The following BCAM variants were observed in gnomAD, a reference collection of about 807,000 sequenced individuals.
The protein encoded by BCAM is basal cell adhesion molecule (Lutheran blood group), also known as basal cell adhesion molecule.
BCAM carries 61 observed loss-of-function variants against 72.4 expected under a neutral mutation model. The ratio of observed to expected loss-of-function variants is 0.84; its 90% CI spans 0.69 to 1.04. The LOEUF is 1.04. Among genes scored for constraint, BCAM ranks in the 50% least tolerant of loss-of-function variants. BCAM has a pLI of 0.00. For synonymous variants in BCAM, 408 were observed against 384.2 expected (o/e 1.06, Z -0.73); for missense variants, 909 against 895.0 (o/e 1.02, Z -0.20).
Position 44,821,129 on chromosome 19 carries a change from AG to A in BCAM, c.*213del, listed in dbSNP as rs1968585976. ...AGGAGAGGGAGGGTGGGTGGGTGGG[AG>A]GGGGCCTTCCTCCAGGGAATGTGAC... On this transcript the variant is annotated 3_prime_UTR_variant, in exon 15 of 15. Transcript: ENST00000270233. The A allele has an allele frequency of 1.7e-6, 1 of 574,004 alleles. No individual in the cohort carries two copies. The highest frequency in any genetic ancestry group is 3.4e-5 in the East Asian group (1 of 29,038). 35.6% of individuals were successfully genotyped at this position (574,004 alleles called of 1,614,324 possible).
Position 44,813,126 on chromosome 19 carries a change from G to C in BCAM, c.505-124G>C. 1 of 1,099,456 alleles carries C rather than the reference G, an allele frequency of 9.1e-7. No individual in the cohort carries two copies. Among genetic ancestry groups the C allele is most frequent in the Non-Finnish European group, 1.3e-6 (1 of 761,278 alleles). 68.1% of individuals were successfully genotyped at this position (1,099,456 alleles called of 1,614,324 possible). The stretch of plus-strand genomic sequence containing the variant: ...GGGGACTAGGAATTTGGACTCCTGG[G>C]TCCTGGGAGAGTCGGGAGTTAGGAG... On this transcript the variant is annotated intron_variant, in intron 4 of 14. Transcript: ENST00000270233. The surrounding 1 kb of genome is among the most constrained non-coding windows in gnomAD (Gnocchi z 4.2).
chr19:44,814,905 G>GTTTTTTTTTTTT lies in BCAM; in HGVS notation c.1078+147_1078+148insTTTTTTTTTTTT. On this transcript the variant is annotated intron_variant, in intron 8 of 14. Coordinates refer to ENST00000270233, the MANE Select transcript of BCAM (RefSeq NM_005581.5). This position sits in a 1 kb window ranked among gnomAD's most constrained non-coding sequence, Gnocchi z 4.6. The stretch of plus-strand genomic sequence containing the variant: ...TCTGCATTTCTTGGGGGTTTTTTTG[G>GTTTTTTTTTTTT]TTGTTTTTTTTTTTTTTTTTTTCCC... 1.2e-6 allele frequency: 1 copy of GTTTTTTTTTTTT among 826,988 alleles called. No homozygotes were observed. The highest frequency in any genetic ancestry group is 1.6e-6 in the Non-Finnish European group (1 of 611,430). 51.2% of individuals were successfully genotyped at this position (826,988 alleles called of 1,614,324 possible). A position where few individuals can be genotyped will look rare whatever the true frequency, so the allele number is the denominator to read the frequency against.
At chr19:44,815,314 G>A (rs144298705) in intron 8 of BCAM, among the ~76,000 whole-genome samples, 157 of 152,232 alleles carry the variant, frequency 1.0e-3, no homozygotes, top group African/African-American at 3.6e-3. Context: ...ATGATTTTCA[G>A]TTCATTCGCA....
In BCAM at chr19:44,818,776, G is replaced by A. The variant is rs371664685; in HGVS notation, c.1230G>A (p.Ser410=). 1.3e-5 allele frequency: 21 copies of A among 1,613,948 alleles called. No homozygotes were observed. The highest frequency in any genetic ancestry group is 4.4e-5 in the South Asian group (4 of 91,082). The part of the protein sequence containing the change: ...STPLGDGPML[S]LSSITFDSNG... The stretch of plus-strand genomic sequence containing the variant: ...CCCTGGGCGATGGCCCCATGCTGTC[G>A]CTCAGTTCTATCACCTTCGATTCCA... Residue 410 remains serine (S), a synonymous_variant, in exon 10 of 15, where the codon TCG becomes TCA. Transcript: ENST00000270233. The surrounding 1 kb of genome is among the most constrained non-coding windows in gnomAD (Gnocchi z 4.6).
chr19:44,816,265 G>A (rs1312308219), intron 8 of BCAM, among the ~76,000 whole-genome samples: 4 of 151,862 alleles, frequency 2.6e-5, no homozygotes, highest in African/African-American at 9.7e-5. Context: ...AACTGAGATC[G>A]TGCCATTGCA....
chr19:44,821,351 T>G lies in BCAM; in HGVS notation c.*430T>G. 4.3e-5 allele frequency: 2 copies of G among 46,718 alleles called. No homozygotes were observed. Among genetic ancestry groups the G allele is most frequent in the Non-Finnish European group, 7.3e-5 (2 of 27,486 alleles). The allele number at this position is 46,718 out of a possible 1,614,324, so 2.9% of individuals were successfully genotyped here. On this transcript the variant is annotated 3_prime_UTR_variant, in exon 15 of 15. Coordinates refer to ENST00000270233, the MANE Select transcript of BCAM (RefSeq NM_005581.5). ...CCTGGTCCCACTCCTGCCCCCGCCC[T>G]ACCTCCGCCCCACCCCATCATCTGT...
rs1968478600 is a variant in BCAM, at chr19:44,814,664, A to T, written c.982A>T (p.Thr328Ser). 6.2e-7 allele frequency: 1 copy of T among 1,613,998 alleles called. No homozygotes were observed. The highest frequency in any genetic ancestry group is 8.5e-7 in the Non-Finnish European group (1 of 1,179,970). The change falls in exon 8 of 15, where the codon ACC becomes TCC. Residue 328 changes from threonine to serine, a missense_variant. By Grantham distance (58) the Thr-to-Ser change is moderately conservative. Coordinates refer to ENST00000270233, the MANE Select transcript of BCAM (RefSeq NM_005581.5). This position sits in a 1 kb window ranked among gnomAD's most constrained non-coding sequence, Gnocchi z 4.6. Reference sequence around the variant, plus strand: ...GGGGAACTTGACCCTGGAGGGAGTGACCCGGGGCCAGAGCGGGACCTATGG... The same window carrying T: ...GGGGAACTTGACCCTGGAGGGAGTGTCCCGGGGCCAGAGCGGGACCTATGG... ...LEGNLTLEGV[T>S]RGQSGTYGCR...
At position 44,814,345 on chromosome 19, in the gene BCAM, C is replaced by T. The variant is rs114611081; in HGVS notation, c.921+57C>T. ...CCCCCCAGCCCCTGACCTCTGTGAC[C>T]TGCTAACCTGCATAACTTCTAATGT... On this transcript the variant is annotated intron_variant, in intron 7 of 14. Coordinates refer to ENST00000270233, the MANE Select transcript of BCAM (RefSeq NM_005581.5). The surrounding 1 kb of genome is among the most constrained non-coding windows in gnomAD (Gnocchi z 4.6). 6.5e-4 allele frequency: 998 copies of T among 1,545,566 alleles called. 11 individuals carry two copies. The African/African-American group carries it at 0.012, about 19-fold the overall frequency.
Position 44,812,518 on chromosome 19 carries a change from A to G in BCAM, c.474A>G (p.Thr158=), listed in dbSNP as rs764724583. The G allele has an allele frequency of 1.2e-6, 2 of 1,614,048 alleles. No individual in the cohort carries two copies. The highest frequency in any genetic ancestry group is 1.7e-6 in the Non-Finnish European group (2 of 1,180,032). ...EATEVSPNKG[T]LSVMEDSAQE... ...CTGAGGTCTCCCCCAACAAAGGGAC[A>G]CTGTCTGTGATGGAGGACTCTGCCC... Residue 158 remains threonine, a synonymous_variant, in exon 4 of 15, where the codon ACA becomes ACG. Coordinates refer to ENST00000270233, the MANE Select transcript of BCAM (RefSeq NM_005581.5). The surrounding 1 kb of genome is among the most constrained non-coding windows in gnomAD (Gnocchi z 5.3).
rs201966991 is a variant in BCAM at position 44,814,724 on chromosome 19, G to C, written c.1042G>C (p.Val348Leu). The C allele has an allele frequency of 6.2e-7, 1 of 1,613,662 alleles. No homozygotes were observed. The highest frequency in any genetic ancestry group is 1.1e-5 in the South Asian group (1 of 91,066). Residue 348 changes from valine to leucine, a missense_variant, in exon 8 of 15, where the codon GTG becomes CTG. Physicochemically the swap from Val to Leu is conservative, Grantham distance 32 (BLOSUM62 1). Transcript: ENST00000270233. The surrounding 1 kb of genome is among the most constrained non-coding windows in gnomAD (Gnocchi z 4.6). Reference protein sequence around the residue: ...RVEDYDAADDVQLSKTLELRV... With the variant: ...RVEDYDAADDLQLSKTLELRV... ...GGAGGATTACGACGCGGCAGATGAC[G>C]TGCAGCTCTCCAAGACGCTGGAGCT...
At chr19:44,811,963 T>G in intron 2 of BCAM, 200 bp from the exon 3 acceptor site, 4 of 600,050 alleles carry the variant, frequency 6.7e-6, no homozygotes, top group East Asian at 3.0e-5. Context: ...CGGAATGAGA[T>G]GGAGAAAAGG....
rs1451242644 is a variant in BCAM, at chr19:44,821,291, G to A, written c.*370G>A. 10 of 246,216 alleles carry A rather than the reference G, an allele frequency of 4.1e-5. No homozygotes were observed. The highest frequency in any genetic ancestry group is 7.8e-5 in the Non-Finnish European group (10 of 128,198). The allele number at this position is 246,216 out of a possible 1,614,324, so 15.3% of individuals were successfully genotyped here. A position where few individuals can be genotyped will look rare whatever the true frequency, so the allele number is the denominator to read the frequency against. On this transcript the variant is annotated 3_prime_UTR_variant, in exon 15 of 15. Coordinates refer to ENST00000270233, the MANE Select transcript of BCAM (RefSeq NM_005581.5). ...TCCCCCCACCTGACGTCTTGCTGCA[G>A]AGTCTGACACTGGATTCCCCCCCCT...
rs373486211 is a variant in BCAM, at chr19:44,814,768, C to A, written c.1078+8C>A. Reference sequence around the variant, plus strand: ...TGGAGCTGCGCGTGGCCTGTGAGAGCCCTGGGTGAACGGGCGGGCAGGAGG... The same window carrying A: ...TGGAGCTGCGCGTGGCCTGTGAGAGACCTGGGTGAACGGGCGGGCAGGAGG... On this transcript the variant is annotated splice_region_variant and intron_variant, in intron 8 of 14. Transcript: ENST00000270233. The surrounding 1 kb of genome is among the most constrained non-coding windows in gnomAD (Gnocchi z 4.6). 3 of 1,603,642 alleles carry A rather than the reference C, an allele frequency of 1.9e-6. No individual in the cohort carries two copies. The highest frequency in any genetic ancestry group is 2.7e-5 in the African/African-American group (2 of 74,758).
Position 44,820,996 on chromosome 19 carries a change from C to A in BCAM, c.*75C>A. Reference sequence around the variant, plus strand: ...GAGAACCAGCCCTGCTCACGCCATGCCCGCCCCCGCCTTCCCTCTTCCCTC... The same window carrying A: ...GAGAACCAGCCCTGCTCACGCCATGACCGCCCCCGCCTTCCCTCTTCCCTC... On this transcript the variant is annotated 3_prime_UTR_variant, in exon 15 of 15. Coordinates refer to ENST00000270233, the MANE Select transcript of BCAM (RefSeq NM_005581.5). 1 of 1,447,150 alleles carries A rather than the reference C, an allele frequency of 6.9e-7. No homozygotes were observed. The highest frequency in any genetic ancestry group is 9.1e-7 in the Non-Finnish European group (1 of 1,094,940). 89.6% of individuals were successfully genotyped at this position (1,447,150 alleles called of 1,614,324 possible). A position where few individuals can be genotyped will look rare whatever the true frequency, so the allele number is the denominator to read the frequency against.
intron 2 of BCAM, 37 bp downstream of exon 2, chr19:44,811,383 A>G (rs1272514094): frequency 6.2e-7 from 1 of 1,611,144 alleles, no homozygotes; most frequent in East Asian, 2.2e-5. Context: ...GAGTCAGGGC[A>G]CAGCAGGGCA....
At chr19:44,810,346 GC>G (rs1170501183) in intron 1 of BCAM, among the ~76,000 whole-genome samples, 1 of 152,112 alleles carries the variant, frequency 6.6e-6, no homozygotes, top group African/African-American at 2.4e-5. Context: ...ACTGAGGGGG[GC>G]CAAGAGGCGG....
Position 44,819,476 on chromosome 19 carries a change from T to A in BCAM, c.1604T>A (p.Phe535Tyr). The A allele has an allele frequency of 6.2e-7, 1 of 1,613,958 alleles. No individual in the cohort carries two copies. The highest frequency in any genetic ancestry group is 8.5e-7 in the Non-Finnish European group (1 of 1,179,922). The change falls in exon 12 of 15, where the codon TTC becomes TAC. Residue 535 changes from phenylalanine to tyrosine, a missense_variant. Phe to Tyr is a conservative substitution (Grantham distance 22). Coordinates refer to ENST00000270233, the MANE Select transcript of BCAM (RefSeq NM_005581.5). ...CCCCACGGGAACAAGCGCCATGTCT[T>A]CCACTTCGGCACCGGTGAGTGACTG... The part of the protein sequence containing the change: ...SNPHGNKRHV[F>Y]HFGTVSPQTS...
Position 44,813,693 on chromosome 19 carries a change from G to GAA in BCAM, c.784+73_784+74insAA, listed in dbSNP as rs1207364260. The GAA allele has an allele frequency of 1.0e-3, 1,546 of 1,539,894 alleles. 2 individuals carry two copies. The highest frequency in any genetic ancestry group is 1.3e-3 in the Non-Finnish European group (1,503 of 1,139,660). ...ATGAGGCCTGACCCTCCACCCGGGG[G>GAA]CTTCACACTCCCCTCTGACCCTCTG... On this transcript the variant is annotated intron_variant, in intron 6 of 14. Transcript: ENST00000270233. The surrounding 1 kb of genome is among the most constrained non-coding windows in gnomAD (Gnocchi z 4.2).
rs142062786 is a variant in BCAM, at chr19:44,819,147, C to T, written c.1428C>T (p.Arg476=). The T allele has an allele frequency of 8.3e-5, 134 of 1,614,096 alleles. 1 individual carries two copies. The highest frequency in any genetic ancestry group is 7.1e-4 in the African/African-American group (53 of 75,022). Residue 476 remains arginine (R), a synonymous_variant, in exon 11 of 15, where the codon CGC becomes CGT. Transcript: ENST00000270233. The stretch of plus-strand genomic sequence containing the variant: ...AAGTCACACTCATCTGCTCTGCCCG[C>T]GGCCATCCAGACCCCAAACTCAGCT... ...GDEVTLICSA[R]GHPDPKLSWS...
Sources: gnomAD v4.1 joint callset for allele counts (sites outside exome capture counted in the v4.1 genomes callset) on GRCh38, gnomAD v4.1.1 for gene constraint, Gnocchi (gnomAD v3.1) non-coding constraint, MANE v1.5 for transcripts, NCBI Gene and HGNC (gene_info 2026-07-23, HGNC 2026-07-21) for gene names.